Variants in MITF observed in about 807,000 individuals in gnomAD.
The protein encoded by MITF is microphthalmia-associated transcription factor.
A neutral mutation model predicts 60.5 loss-of-function variants in MITF; 17 were observed. The observed-to-expected ratio is 0.28, with a 90% CI of 0.19 to 0.42. The LOEUF (loss-of-function observed/expected upper bound fraction) is 0.42. MITF is among the 10% of genes least tolerant of loss of function. The pLI is 1.00. For missense variants in MITF, 622 were observed against 683.5 expected (o/e 0.91, Z 1.00); for synonymous variants, 260 against 248.5 (o/e 1.05, Z -0.43).
intron 1 of MITF, among the ~76,000 whole-genome samples, chr3:69,852,903 C>G (rs1167627772): frequency 1.3e-5 from 2 of 151,956 alleles, no homozygotes; most frequent in African/African-American, 2.4e-5. Context: ...GAGTAGTACT[C>G]CAGGCAAGAG....
rs547620202 is a variant in MITF at position 69,743,376 on chromosome 3, G to T, written c.104+3675G>T. 2.6e-5 allele frequency among the ~76,000 whole-genome samples: 4 copies of T among 152,174 alleles called. No homozygotes were observed. The South Asian group carries it at 8.3e-4, about 32-fold the overall frequency. On this transcript the variant is annotated intron_variant, in intron 1 of 9. Coordinates refer to ENST00000352241, the MANE Select transcript of MITF (RefSeq NM_001354604.2). ...GTATGGTATTTGGTTTTTTGTTTTT[G>T]CAATGAATATTGTGTTTCCTTTAAA...
At chr3:69,961,398 A>G (rs1559753093) in intron 9 of MITF, among the ~76,000 whole-genome samples, 1 of 147,450 alleles carries the variant, frequency 6.8e-6, no homozygotes, top group Non-Finnish European at 1.5e-5. Flanking sequence ...AAACAAAAAA[A>G]TAAAAATAAA....
chr3:69,950,245 T>C (rs1007108336), intron 6 of MITF, among the ~76,000 whole-genome samples: 6 of 151,756 alleles, frequency 4.0e-5, no homozygotes, highest in Admixed American at 3.3e-4. Flanking sequence ...CAATGAGCTG[T>C]GATCACACCA....
intron 2 of MITF, among the ~76,000 whole-genome samples, chr3:69,896,110 T>G (rs1393093493): frequency 6.6e-6 from 1 of 152,176 alleles, no homozygotes; most frequent in East Asian, 1.9e-4. Context: ...TGCACTGTGT[T>G]TCTTTAACAT....
chr3:69,937,754 G>C (rs1364129274), intron 2 of MITF, 68 bp from the exon 3 acceptor site: 3 of 1,355,132 alleles, frequency 2.2e-6, no homozygotes, highest in Admixed American at 1.8e-5. Flanking sequence ...GTTTGTGCCT[G>C]AAGGAAGAGC....
At chr3:69,838,357 A>G (rs1358233040) in intron 1 of MITF, among the ~76,000 whole-genome samples, 1 of 152,010 alleles carries the variant, frequency 6.6e-6, no homozygotes, top group African/African-American at 2.4e-5. Context: ...TTTGCTAAAA[A>G]AAAAAAAAAT....
intron 1 of MITF, among the ~76,000 whole-genome samples, chr3:69,818,810 A>G (rs1179235427): frequency 6.6e-6 from 1 of 152,220 alleles, no homozygotes; most frequent in Non-Finnish European, 1.5e-5. Context: ...GGTCAAAGAT[A>G]TATTTTTAAA....
At chr3:69,956,359 C>T in intron 7 of MITF, 96 bp from the exon 8 acceptor site, 3 of 963,760 alleles carry the variant, frequency 3.1e-6, no homozygotes, top group Non-Finnish European at 3.4e-6. Flanking sequence ...GTTGTCATGA[C>T]CTGGAGAAGT....
intron 5 of MITF, among the ~76,000 whole-genome samples, chr3:69,945,749 G>A (rs895866411): frequency 1.4e-4 from 21 of 152,154 alleles, no homozygotes; most frequent in Non-Finnish European, 4.4e-5. Flanking sequence ...ATGCTTAACA[G>A]CATCCCTGGC....
At chr3:69,913,257 T>A (rs1269548577) in intron 2 of MITF, among the ~76,000 whole-genome samples, 3 of 152,016 alleles carry the variant, frequency 2.0e-5, no homozygotes, top group African/African-American at 7.2e-5. Flanking sequence ...AGTGGGGGCT[T>A]TTTGTATTTG....
chr3:69,764,432 T>C (rs2062258964), intron 1 of MITF, among the ~76,000 whole-genome samples: 1 of 152,248 alleles, frequency 6.6e-6, no homozygotes, highest in Non-Finnish European at 1.5e-5. Context: ...CATTTTGCTA[T>C]TTTCTTGACT....
intron 2 of MITF, among the ~76,000 whole-genome samples, chr3:69,918,445 T>TC (rs1278499408): frequency 1.2e-4 from 18 of 152,226 alleles, no homozygotes; most frequent in Admixed American, 1.1e-3. Context: ...TGGTGTTTTT[T>TC]CTCTCGTATG....
intron 2 of MITF, among the ~76,000 whole-genome samples, chr3:69,899,339 G>T (rs2064946292): frequency 6.6e-6 from 1 of 152,194 alleles, no homozygotes; most frequent in Non-Finnish European, 1.5e-5. Flanking sequence ...GTGGGCAGGG[G>T]CCAGGGGCCT....
chr3:69,839,681 A>G (rs2063599896), intron 1 of MITF, among the ~76,000 whole-genome samples: 1 of 151,882 alleles, frequency 6.6e-6, no homozygotes, highest in Non-Finnish European at 1.5e-5. Context: ...AGTTATATCT[A>G]TGTGGGGGCT....
intron 1 of MITF, chr3:69,866,418 G>A: frequency 6.4e-7 from 1 of 1,574,622 alleles, no homozygotes; most frequent in Admixed American, 1.8e-5. Context: ...TCTTTAAGGG[G>A]GAGGATAAAG....
intron 1 of MITF, among the ~76,000 whole-genome samples, chr3:69,801,619 A>C (rs964259765): frequency 6.6e-6 from 1 of 152,214 alleles, no homozygotes; most frequent in African/African-American, 2.4e-5. Context: ...CAACTGTGAT[A>C]TATTTTACAT....
At chr3:69,902,336 C>T (rs532848226) in intron 2 of MITF, among the ~76,000 whole-genome samples, 381 of 152,112 alleles carry the variant, frequency 2.5e-3, no homozygotes, top group Non-Finnish European at 4.0e-3. Flanking sequence ...TATATGTATA[C>T]TTGAAGCTTG....
At chr3:69,903,059 A>G (rs1229004250) in intron 2 of MITF, among the ~76,000 whole-genome samples, 2 of 152,224 alleles carry the variant, frequency 1.3e-5, no homozygotes, top group African/African-American at 4.8e-5. Flanking sequence ...TGAGAATTAA[A>G]AAGACCACAA....
intron 2 of MITF, among the ~76,000 whole-genome samples, chr3:69,910,961 G>T (rs1190262020): frequency 1.3e-5 from 2 of 152,086 alleles, no homozygotes; most frequent in Non-Finnish European, 2.9e-5. Context: ...GAGGGGCCAG[G>T]GGTGGAATGA....
Sources: allele counts gnomAD v4.1 joint callset (sites outside exome capture counted in the v4.1 genomes callset), GRCh38; gene constraint gnomAD v4.1.1; transcripts MANE v1.5; gene names NCBI Gene and HGNC (gene_info 2026-07-23, HGNC 2026-07-21).